FABP1: variants seen among roughly 807,000 people sequenced by gnomAD.
FABP1 encodes the protein fatty acid binding protein 1, also known as fatty acid-binding protein, liver.
In FABP1, 13 loss-of-function variants were observed where a neutral mutation model predicts 13.7. The observed-to-expected ratio is 0.95, with a 90% CI of 0.62 to 1.51. The LOEUF is 1.51. FABP1 is among the 40% of genes most tolerant of loss of function. The pLI, the probability that FABP1 is intolerant of heterozygous loss-of-function variation, is 0.00. For missense variants in FABP1, 140 were observed against 155.7 expected (o/e 0.90, Z 0.54); for synonymous variants, 48 against 59.8 (o/e 0.80, Z 0.91).
intron 3 of FABP1, 99 bp from the exon 4 acceptor site, chr2:88,123,203 C>T: frequency 1.1e-6 from 1 of 936,794 alleles, no homozygotes; most frequent in Non-Finnish European, 1.6e-6. Flanking sequence ...AAAAACAGCA[C>T]CAAATATGTT....
chr2:88,126,396 C>T (rs769080803), intron 1 of FABP1, 48 bp from the exon 2 acceptor site: 9 of 1,580,160 alleles, frequency 5.7e-6, no homozygotes, highest in Non-Finnish European at 7.8e-6. Flanking sequence ...GTGGGAGTTT[C>T]ATGACCGTGG....
At chr2:88,124,412 G>T (rs746763671) in intron 3 of FABP1, 82 bp downstream of exon 3, 5 of 1,006,336 alleles carry the variant, frequency 5.0e-6, no homozygotes, top group Non-Finnish European at 7.6e-6. Context: ...TGGCATTAGG[G>T]TATGTGAGCC....
rs1435658009 is a variant in FABP1, at chr2:88,126,354, G to A, written c.68-6C>T. 1 of 1,612,060 alleles carries A rather than the reference G, an allele frequency of 6.2e-7. No homozygotes were observed. The highest frequency in any genetic ancestry group is 8.5e-7 in the Non-Finnish European group (1 of 1,178,348). ...GATGAGCTCTTCCGGCAGACCTGGT[G>A]GAAACCGTCTGAGGTTTAGATATGG... On this transcript the variant is annotated splice_region_variant and splice_polypyrimidine_tract_variant and intron_variant, in intron 1 of 3. Coordinates refer to ENST00000295834, the MANE Select transcript of FABP1 (RefSeq NM_001443.3).
intron 3 of FABP1, 115 bp downstream of exon 3, chr2:88,124,379 T>A: frequency 1.5e-6 from 1 of 681,376 alleles, no homozygotes; most frequent in Non-Finnish European, 2.5e-6. Context: ...GGAAAGAAGT[T>A]TGGGGGTTGG....
chr2:88,126,666 T>G (rs150647315), intron 1 of FABP1: 7 of 247,976 alleles, frequency 2.8e-5, no homozygotes, highest in African/African-American at 1.5e-4. Context: ...CCTCCTTTGA[T>G]GACTTTGCTC....
chr2:88,125,932 C>A (rs1675287828), intron 2 of FABP1: 3 of 390,920 alleles, frequency 7.7e-6, no homozygotes, highest in Non-Finnish European at 1.4e-5. Context: ...CCCATATCCT[C>A]CATATGGGAG....
chr2:88,124,684 C>T (rs1263555433), intron 2 of FABP1, 98 bp from the exon 3 acceptor site: 1 of 783,890 alleles, frequency 1.3e-6, no homozygotes, highest in African/African-American at 1.8e-5. Context: ...CAGCTCATAA[C>T]AACCAAAATG....
chr2:88,124,460 T>G (rs754651494), intron 3 of FABP1, 34 bp downstream of exon 3: 1 of 1,543,872 alleles, frequency 6.5e-7, no homozygotes, highest in South Asian at 1.2e-5. Flanking sequence ...CCTCAAGCAC[T>G]GGGAGCCACA....
At position 88,123,083 on chromosome 2, in the gene FABP1, C is replaced by T; in HGVS notation, c.355G>A (p.Val119Ile). ...ATTCTCTTGCTGATTCTCTTGAAGA[C>T]AATGTCACCCAATGTCATGGTCTGA... ...ITNTMTLGDI[V>I]FKRISKRI Residue 119 changes from valine to isoleucine, a missense_variant, in exon 4 of 4, where the codon GTC becomes ATC. Transcript: ENST00000295834. 6.2e-7 allele frequency: 1 copy of T among 1,611,758 alleles called. No individual in the cohort carries two copies. The highest frequency in any genetic ancestry group is 8.5e-7 in the Non-Finnish European group (1 of 1,179,134).
chr2:88,124,940 G>A (rs962963613), intron 2 of FABP1, among the ~76,000 whole-genome samples: 2 of 151,308 alleles, frequency 1.3e-5, no homozygotes, highest in South Asian at 4.2e-4. Flanking sequence ...TTGACCAGTA[G>A]AGAATACATA....
rs200365760 is a variant in FABP1, at chr2:88,124,529, A to T, written c.298T>A (p.Ser100Thr). The T allele has an allele frequency of 1.1e-5, 17 of 1,611,218 alleles. No homozygotes were observed. Among genetic ancestry groups the T allele is most frequent in the Admixed American group, 6.7e-5 (4 of 59,576 alleles). Residue 100 changes from serine to threonine, a missense_variant, in exon 3 of 4, where the codon TCT becomes ACT. Physicochemically the swap from Ser to Thr is moderately conservative, Grantham distance 58 (BLOSUM62 1). Coordinates refer to ENST00000295834, the MANE Select transcript of FABP1 (RefSeq NM_001443.3). Reference protein sequence around the residue: ...KLVTTFKNIKSVTELNGDIIT... With the variant: ...KLVTTFKNIKTVTELNGDIIT... ...ATGTCGCCGTTGAGTTCGGTCACAG[A>T]CTTGATGTTTTTGAAAGTTGTCACC...
intron 1 of FABP1, 40 bp from the exon 2 acceptor site, chr2:88,126,388 G>A: frequency 6.3e-7 from 1 of 1,590,198 alleles, no homozygotes; most frequent in Non-Finnish European, 8.6e-7. Context: ...GGGCAGAGGT[G>A]GGAGTTTCAT....
chr2:88,128,062 C>G lies in FABP1; in HGVS notation c.-45G>C, dbSNP rs539274534. 1 of 1,585,324 alleles carries G rather than the reference C, an allele frequency of 6.3e-7. No homozygotes were observed. Among genetic ancestry groups the G allele is most frequent in the Non-Finnish European group, 8.7e-7 (1 of 1,153,736 alleles). ...CTTCACGACTGACCTGCGGCTCTGCCGACCAGACTGTCCACTGTAGGCTGT... is the reference window on the plus strand; with the variant it reads ...CTTCACGACTGACCTGCGGCTCTGCGGACCAGACTGTCCACTGTAGGCTGT... On this transcript the variant is annotated 5_prime_UTR_variant, in exon 1 of 4. Coordinates refer to ENST00000295834, the MANE Select transcript of FABP1 (RefSeq NM_001443.3).
chr2:88,123,569 C>T (rs1675242170), intron 3 of FABP1: 1 of 154,160 alleles, frequency 6.5e-6, no homozygotes, highest in Non-Finnish European at 1.4e-5. Context: ...GATGCATCAG[C>T]TTTTGAGTTT....
At chr2:88,124,989 T>C (rs63396262) in intron 2 of FABP1, among the ~76,000 whole-genome samples, 1 of 132,824 alleles carries the variant, frequency 7.5e-6, no homozygotes, top group Non-Finnish European at 1.6e-5. Context: ...TTTTTTTTTT[T>C]AATTGAGATG....
intron 1 of FABP1, among the ~76,000 whole-genome samples, chr2:88,127,584 G>A (rs1675322555): frequency 2.0e-5 from 3 of 152,016 alleles, no homozygotes. Context: ...ATGCCTTATT[G>A]CCTTTATCAT....
chr2:88,126,788 A>G (rs1675306501), intron 1 of FABP1: 2 of 168,920 alleles, frequency 1.2e-5, no homozygotes, highest in Admixed American at 1.1e-4. Context: ...TGCCAGGCCA[A>G]CATACACAAA....
At chr2:88,125,166 C>T (rs1389733812) in intron 2 of FABP1, among the ~76,000 whole-genome samples, 1 of 151,988 alleles carries the variant, frequency 6.6e-6, no homozygotes, top group East Asian at 1.9e-4. Context: ...TCCTTCCAAG[C>T]CCTTATACAT....
rs745595505 is a variant in FABP1 at position 88,124,564 on chromosome 2, T to C, written c.263A>G (p.Asp88Gly). The part of the protein sequence containing the change: ...KVKTVVQLEG[D>G]NKLVTTFKNI... ...TTTGAAAGTTGTCACCAGTTTATTG[T>C]CACCTTCCAACTGAACCACTGTCTG... Residue 88 changes from aspartate to glycine, a missense_variant, in exon 3 of 4, where the codon GAC (aspartate) becomes GGC (glycine). By Grantham distance (94) the Asp-to-Gly change is moderately conservative. Coordinates refer to ENST00000295834, the MANE Select transcript of FABP1 (RefSeq NM_001443.3). 3 of 1,611,274 alleles carry C rather than the reference T, an allele frequency of 1.9e-6. No individual in the cohort carries two copies. Among genetic ancestry groups the C allele is most frequent in the Non-Finnish European group, 8.5e-7 (1 of 1,178,822 alleles).
Sources: gnomAD v4.1 joint callset for allele counts (sites outside exome capture counted in the v4.1 genomes callset) on GRCh38, gnomAD v4.1.1 for gene constraint, MANE v1.5 for transcripts, NCBI Gene and HGNC (gene_info 2026-07-23, HGNC 2026-07-21) for gene names.